GRHL2: variants seen among roughly 807,000 people sequenced by gnomAD.
GRHL2 encodes grainyhead-like protein 2 homolog.
GRHL2 carries 21 observed loss-of-function variants against 83.8 expected under a neutral mutation model. The observed-to-expected ratio is 0.25, with a 90% CI of 0.18 to 0.36. GRHL2 has a LOEUF of 0.36. GRHL2 is among the 10% of genes least tolerant of loss of function. The pLI is 1.00. For missense variants in GRHL2, 623 were observed against 781.8 expected, an observed-to-expected ratio of 0.80 and a Z score of 2.42; for synonymous variants, 280 against 278.9, an observed-to-expected ratio of 1.00 and a Z score of -0.04.
intron 7 of GRHL2, among the ~76,000 whole-genome samples, chr8:101,590,622 C>T (rs1384263696): frequency 6.6e-6 from 1 of 152,136 alleles, no homozygotes; most frequent in East Asian, 1.9e-4. Flanking sequence ...GGTCTCGGGG[C>T]TTGGTGGGAA....
Position 101,627,159 on chromosome 8 carries a change from C to T in GRHL2, c.1258-4478C>T, listed in dbSNP as rs774883072. Among the ~76,000 whole-genome samples the T allele has an allele frequency of 4.6e-5, 7 of 151,972 alleles. No individual in the cohort carries two copies. In the South Asian group the frequency reaches 8.3e-4, roughly 18 times the overall value. On this transcript the variant is annotated intron_variant, in intron 9 of 15. Transcript: ENST00000646743. ...CTACATTGAACATACAGGCTTACCT[C>T]GTTTTATTGTGCTTTGCTTTATTAT...
intron 1 of GRHL2, among the ~76,000 whole-genome samples, chr8:101,535,385 T>C (rs940618881): frequency 1.3e-5 from 2 of 152,050 alleles, no homozygotes; most frequent in African/African-American, 4.8e-5. Context: ...GTTTTCCAGA[T>C]CCCAGGGTGA....
At chr8:101,676,447 AAC>A in the GRHL2 span, among the ~76,000 whole-genome samples, 1 of 152,162 alleles carries the variant, frequency 6.6e-6, no homozygotes, top group Admixed American at 6.5e-5. Context: ...GCAGCCAAAA[AAC>A]ACATGAAAAA....
intron 8 of GRHL2, among the ~76,000 whole-genome samples, chr8:101,615,693 T>C (rs1003785740): frequency 5.3e-5 from 8 of 152,188 alleles, no homozygotes; most frequent in African/African-American, 1.7e-4. Flanking sequence ...ATTATACTTT[T>C]TTTTTAACCT....
intron 12 of GRHL2, among the ~76,000 whole-genome samples, chr8:101,641,678 A>G (rs915111871): frequency 1.3e-5 from 2 of 152,112 alleles, no homozygotes; most frequent in Non-Finnish European, 2.9e-5. Flanking sequence ...CTACATAATA[A>G]CCACCACATT....
chr8:101,539,254 G>A (rs762044418), intron 1 of GRHL2, among the ~76,000 whole-genome samples: 11 of 152,172 alleles, frequency 7.2e-5, no homozygotes, highest in Admixed American at 2.0e-4. Context: ...CAATGTGTGC[G>A]TCTCTGAGGC....
chr8:101,645,509 G>A (rs1269986366), intron 13 of GRHL2, among the ~76,000 whole-genome samples: 2 of 152,052 alleles, frequency 1.3e-5, no homozygotes, highest in Non-Finnish European at 2.9e-5. Context: ...GTTGTAATGG[G>A]ATTTGCACTG....
chr8:101,570,393 A>G lies in GRHL2; in HGVS notation c.733A>G (p.Ser245Gly), dbSNP rs1167802678. Residue 245 changes from serine (S) to glycine (G), a missense_variant and splice_region_variant, in exon 5 of 16, where the codon AGT (serine) becomes GGT (glycine). This residue lies in a region of GRHL2 where 239 missense variants were observed against 240.5 expected (regional missense o/e 0.99). Transcript: ENST00000646743. Reference sequence around the variant, plus strand: ...GGAGTACATGTATGATCAGACATCAAGGTGAGTTACCAGGAGATGCATCCT... The same window carrying G: ...GGAGTACATGTATGATCAGACATCAGGGTGAGTTACCAGGAGATGCATCCT... ...AEEYMYDQTS[S>G]GTFQYTLEAT... The G allele has an allele frequency of 1.5e-5, 24 of 1,613,310 alleles. No homozygotes were observed. Among genetic ancestry groups the G allele is most frequent in the Non-Finnish European group, 2.0e-5 (24 of 1,179,236 alleles).
chr8:101,543,313 T>C lies in GRHL2; in HGVS notation c.93T>C (p.Ser31=). ...TCAATACCCGAAGAGCCTACACCAG[T>C]GAGGATGAAGCCTGGAAGTCATACT... ...PPFNTRRAYT[S]EDEAWKSYLE... is the part of the protein sequence containing the mutation. The change falls in exon 2 of 16, where the codon AGT becomes AGC. Residue 31 remains serine, a synonymous_variant. Coordinates refer to ENST00000646743, the MANE Select transcript of GRHL2 (RefSeq NM_024915.4). 6.2e-7 allele frequency: 1 copy of C among 1,614,074 alleles called. No individual in the cohort carries two copies.
Position 101,669,173 on chromosome 8 carries a change from T to C in GRHL2, c.*2470T>C, listed in dbSNP as rs982407985. 3 of 151,504 alleles carry C rather than the reference T, an allele frequency of 2.0e-5. No individual in the cohort carries two copies. Among genetic ancestry groups the C allele is most frequent in the Admixed American group, 6.6e-5 (1 of 15,206 alleles). 9.4% of individuals were successfully genotyped at this position (151,504 alleles called of 1,614,324 possible). On this transcript the variant is annotated 3_prime_UTR_variant, in exon 16 of 16. Coordinates refer to ENST00000646743, the MANE Select transcript of GRHL2 (RefSeq NM_024915.4). ...AGATAGGAAAACTTGCCGCCTCTTC[T>C]TTTTTGTCCCTTAATCAAACTCAAA...
chr8:101,643,617 C>T (rs545155511), intron 12 of GRHL2, among the ~76,000 whole-genome samples: 27 of 152,282 alleles, frequency 1.8e-4, no homozygotes, highest in African/African-American at 6.0e-4. Context: ...TCATCTGCTG[C>T]GGCCAGAGGG....
In GRHL2 at chr8:101,570,298, C is replaced by A. The variant is rs1269309410; in HGVS notation, c.679-41C>A. On this transcript the variant is annotated intron_variant, in intron 4 of 15. Transcript: ENST00000646743. ...TATTATTATCATTTTTGCATAATGACTTACCTATTTGTTTTAATTCCGATG... is the reference window on the plus strand; with the variant it reads ...TATTATTATCATTTTTGCATAATGAATTACCTATTTGTTTTAATTCCGATG... The A allele has an allele frequency of 2.7e-6, 4 of 1,471,056 alleles. No individual in the cohort carries two copies. In the Admixed American group the frequency reaches 5.0e-5, roughly 18 times the overall value. 91.1% of individuals were successfully genotyped at this position (1,471,056 alleles called of 1,614,324 possible). A position where few individuals can be genotyped will look rare whatever the true frequency, so the allele number is the denominator to read the frequency against.
At chr8:101,560,036 C>T (rs989030020) in intron 4 of GRHL2, among the ~76,000 whole-genome samples, 1 of 152,108 alleles carries the variant, frequency 6.6e-6, no homozygotes, top group African/African-American at 2.4e-5. Flanking sequence ...GGTGGAGTCT[C>T]ACTGTGTGGC....
intron 1 of GRHL2, among the ~76,000 whole-genome samples, chr8:101,522,952 C>G (rs184701547): frequency 1.4e-3 from 215 of 151,840 alleles, no homozygotes; most frequent in Non-Finnish European, 2.3e-3. Flanking sequence ...CTCTGTCACC[C>G]AGGCTGGAGT....
intron 8 of GRHL2, among the ~76,000 whole-genome samples, chr8:101,615,191 G>C (rs971105195): frequency 7.9e-5 from 12 of 152,082 alleles, no homozygotes; most frequent in African/African-American, 2.7e-4. Context: ...ACTCCTCCAG[G>C]GAAAATTTAG....
At chr8:101,531,230 A>C (rs1810921898) in intron 1 of GRHL2, among the ~76,000 whole-genome samples, 1 of 151,752 alleles carries the variant, frequency 6.6e-6, no homozygotes, top group African/African-American at 2.4e-5. Flanking sequence ...CTCAAAAAAA[A>C]AAAAAAAAAA....
At chr8:101,674,044 A>G (rs1300051315), downstream of GRHL2, among the ~76,000 whole-genome samples, 2 of 152,150 alleles carry the variant, frequency 1.3e-5, no homozygotes, top group African/African-American at 4.8e-5. Flanking sequence ...AATCTCTGGG[A>G]CACATTCAAA....
intron 14 of GRHL2, among the ~76,000 whole-genome samples, chr8:101,660,547 A>C (rs1044299743): frequency 2.6e-5 from 4 of 152,058 alleles, no homozygotes; most frequent in African/African-American, 9.7e-5. Context: ...GTTTATTCTC[A>C]TTTGGTGTAA....
chr8:101,568,430 G>A (rs772358001), intron 4 of GRHL2, among the ~76,000 whole-genome samples: 2 of 152,132 alleles, frequency 1.3e-5, no homozygotes, highest in Non-Finnish European at 2.9e-5. Context: ...GACTTCCAAG[G>A]GTCAGAGCGA....
Sources: gnomAD v4.1 joint callset for allele counts (sites outside exome capture counted in the v4.1 genomes callset) on GRCh38, gnomAD v4.1.1 for gene constraint, gnomAD v4.1.1 regional missense constraint, MANE v1.5 for transcripts, NCBI Gene and HGNC (gene_info 2026-07-23, HGNC 2026-07-21) for gene names.